Variants in CNBD1 observed in about 807,000 individuals in gnomAD.
The protein encoded by CNBD1 is cyclic nucleotide-binding domain-containing protein 1.
CNBD1 carries 71 observed loss-of-function variants against 54.4 expected under a neutral mutation model. The ratio of observed to expected loss-of-function variants is 1.30; its 90% CI spans 1.08 to 1.59. The LOEUF is 1.59. CNBD1 is among the 40% of genes most tolerant of loss of function. The probability of loss-of-function intolerance (pLI) is 0.00; values close to 1 mark genes in which losing one functional copy is unlikely to be tolerated. For missense variants in CNBD1, 659 were observed against 518.0 expected (o/e 1.27, Z -2.64); for synonymous variants, 182 against 170.7 (o/e 1.07, Z -0.51).
At chr8:87,106,058 T>C (rs573248447) in intron 4 of CNBD1, among the ~76,000 whole-genome samples, 72 of 152,322 alleles carry the variant, frequency 4.7e-4, no homozygotes, top group African/African-American at 1.7e-3. Flanking sequence ...CTTATCAAAC[T>C]CTACATCAGA....
chr8:87,215,276 C>T (rs1814184746), intron 5 of CNBD1, among the ~76,000 whole-genome samples: 2 of 151,980 alleles, frequency 1.3e-5, no homozygotes, highest in South Asian at 4.1e-4. Flanking sequence ...CAGAATAGGC[C>T]AATTCATTTG....
intron 4 of CNBD1, among the ~76,000 whole-genome samples, chr8:87,016,722 C>T (rs1809363816): frequency 6.6e-6 from 1 of 152,114 alleles, no homozygotes; most frequent in Non-Finnish European, 1.5e-5. Flanking sequence ...ATGCAGGACC[C>T]ACAGCTCATT....
intron 4 of CNBD1, among the ~76,000 whole-genome samples, chr8:87,125,270 C>T (rs1811968414): frequency 6.6e-6 from 1 of 151,532 alleles, no homozygotes; most frequent in African/African-American, 2.4e-5. Flanking sequence ...TCATTTTTCA[C>T]AGTAATAAAA....
Position 87,338,223 on chromosome 8 carries a change from C to A in CNBD1, c.1043-13462C>A, listed in dbSNP as rs11989331. 3.8e-3 allele frequency among the ~76,000 whole-genome samples: 580 copies of A among 152,206 alleles called. 4 individuals are homozygous for A. The highest frequency in any genetic ancestry group is 0.013 in the African/African-American group (558 of 41,528). ...TCCCTCTCTTCCTTTATATCATTGC[C>A]ATAATGAATTTTGCTTATACATAAG... On this transcript the variant is annotated intron_variant, in intron 8 of 10. Coordinates refer to ENST00000518476, the MANE Select transcript of CNBD1 (RefSeq NM_173538.3).
chr8:87,390,431 G>C (rs1176907627), intron 2 of CNBD1, among the ~76,000 whole-genome samples: 1 of 152,096 alleles, frequency 6.6e-6, no homozygotes, highest in African/African-American at 2.4e-5. Context: ...GTGGGTGAAG[G>C]ATATGAACAG....
At chr8:87,188,820 CTTTTTTT>C (rs33963727) in intron 4 of CNBD1, among the ~76,000 whole-genome samples, 1 of 128,606 alleles carries the variant, frequency 7.8e-6, no homozygotes, top group East Asian at 2.4e-4. Context: ...AGTAAAGCGT[CTTTTTTT>C]TTTTTTTTTT....
intron 2 of CNBD1, among the ~76,000 whole-genome samples, chr8:87,392,052 G>T (rs535379920): frequency 6.6e-6 from 1 of 151,902 alleles, no homozygotes. Flanking sequence ...CACAGAAAAA[G>T]GTACTCACTT....
chr8:87,056,277 G>A (rs1013508558), intron 4 of CNBD1, among the ~76,000 whole-genome samples: 1 of 152,114 alleles, frequency 6.6e-6, no homozygotes, highest in African/African-American at 2.4e-5. Context: ...CCCATATCAG[G>A]GCACACTGCT....
chr8:87,123,856 A>C (rs1445995269), intron 4 of CNBD1, among the ~76,000 whole-genome samples: 3 of 151,724 alleles, frequency 2.0e-5, no homozygotes, highest in Non-Finnish European at 4.4e-5. Context: ...AACAATTGTG[A>C]ACAATTAATA....
intron 4 of CNBD1, among the ~76,000 whole-genome samples, chr8:87,045,553 G>A (rs764836608): frequency 2.6e-5 from 4 of 151,668 alleles, no homozygotes; most frequent in East Asian, 1.9e-4. Flanking sequence ...GTAAAACCCC[G>A]TCTCTACTAA....
chr8:87,287,257 G>C (rs1370778657), intron 8 of CNBD1, among the ~76,000 whole-genome samples: 1 of 152,152 alleles, frequency 6.6e-6, no homozygotes, highest in African/African-American at 2.4e-5. Flanking sequence ...GAGTCATTTT[G>C]CATGATTTGT....
chr8:87,345,920 G>C (rs1380497897), intron 8 of CNBD1, among the ~76,000 whole-genome samples: 2 of 151,476 alleles, frequency 1.3e-5, no homozygotes, highest in Non-Finnish European at 2.9e-5. Context: ...TCTAAATTTT[G>C]ATTAAAATAA....
At chr8:86,991,651 T>A (rs1368603152) in intron 4 of CNBD1, among the ~76,000 whole-genome samples, 1 of 152,172 alleles carries the variant, frequency 6.6e-6, no homozygotes, top group Non-Finnish European at 1.5e-5. Flanking sequence ...GATGAAGGTG[T>A]TTAGTTCTGT....
chr8:87,361,228 T>C (rs879924431), intron 10 of CNBD1, among the ~76,000 whole-genome samples: 2 of 151,982 alleles, frequency 1.3e-5, no homozygotes, highest in Non-Finnish European at 2.9e-5. Context: ...TAATTTGTTA[T>C]TCCTTACTAA....
At chr8:86,963,646 C>A (rs184409306) in intron 4 of CNBD1, among the ~76,000 whole-genome samples, 10 of 152,128 alleles carry the variant, frequency 6.6e-5, no homozygotes, top group South Asian at 2.1e-4. Flanking sequence ...ACGAAGGTGA[C>A]AACTAAGAGA....
chr8:87,106,946 A>C (rs893821986), intron 4 of CNBD1, among the ~76,000 whole-genome samples: 1 of 151,984 alleles, frequency 6.6e-6, no homozygotes, highest in East Asian at 1.9e-4. Context: ...TCTCTGCCTC[A>C]ACCTCCCGAG....
At chr8:87,071,682 T>C (rs1245531684) in intron 4 of CNBD1, among the ~76,000 whole-genome samples, 2 of 152,146 alleles carry the variant, frequency 1.3e-5, no homozygotes, top group Non-Finnish European at 2.9e-5. Context: ...TGAGAGACTG[T>C]TGTTATTTCA....
At chr8:87,103,227 A>T (rs770742968) in intron 4 of CNBD1, among the ~76,000 whole-genome samples, 29 of 152,176 alleles carry the variant, frequency 1.9e-4, no homozygotes, top group Non-Finnish European at 3.1e-4. Context: ...GGTGAGTAGG[A>T]TGGGAAAGAA....
chr8:86,981,287 A>G (rs1237585690), intron 4 of CNBD1, among the ~76,000 whole-genome samples: 2 of 151,958 alleles, frequency 1.3e-5, no homozygotes, highest in East Asian at 3.9e-4. Context: ...ACATCACTAT[A>G]TTTTTCTTAT....
Sources: allele counts gnomAD v4.1 joint callset (sites outside exome capture counted in the v4.1 genomes callset), GRCh38; gene constraint gnomAD v4.1.1; transcripts MANE v1.5; gene names NCBI Gene and HGNC (gene_info 2026-07-23, HGNC 2026-07-21).